The following FRMD4A variants were observed in gnomAD, a reference collection of about 807,000 sequenced individuals.
FRMD4A encodes FERM domain-containing protein 4A.
In FRMD4A, 29 loss-of-function variants were observed where a neutral mutation model predicts 129.1. The ratio of observed to expected loss-of-function variants is 0.22; its 90% CI spans 0.17 to 0.31. The LOEUF (loss-of-function observed/expected upper bound fraction) is 0.31. FRMD4A is among the 10% of genes least tolerant of loss of function. The pLI is 1.00. For missense variants in FRMD4A, 1,272 were observed against 1,375.8 expected (o/e 0.92, Z 1.19); for synonymous variants, 634 against 571.6 (o/e 1.11, Z -1.56).
intron 2 of FRMD4A, among the ~76,000 whole-genome samples, chr10:14,254,425 C>A (rs748154507): frequency 3.9e-5 from 6 of 152,152 alleles, no homozygotes; most frequent in Non-Finnish European, 4.4e-5. Flanking sequence ...GAAGGGAGAA[C>A]ACAGGACACC....
At chr10:13,757,355 A>G (rs1398464292) in intron 8 of FRMD4A, among the ~76,000 whole-genome samples, 1 of 152,258 alleles carries the variant, frequency 6.6e-6, no homozygotes, top group Non-Finnish European at 1.5e-5. Flanking sequence ...AAGTGAAAAA[A>G]TGTTATTTTT....
chr10:14,097,460 C>A (rs1837037778), intron 2 of FRMD4A, among the ~76,000 whole-genome samples: 1 of 152,106 alleles, frequency 6.6e-6, no homozygotes, highest in Non-Finnish European at 1.5e-5. Context: ...AGTGAATCAT[C>A]TTTTAATCTT....
At chr10:13,661,578 A>G (rs1362064045) in intron 19 of FRMD4A, among the ~76,000 whole-genome samples, 2 of 152,144 alleles carry the variant, frequency 1.3e-5, no homozygotes, top group African/African-American at 4.8e-5. Flanking sequence ...CCACAGGAAA[A>G]CTTTGCGATG....
At chr10:14,180,332 A>G (rs1841872408) in intron 2 of FRMD4A, among the ~76,000 whole-genome samples, 1 of 152,204 alleles carries the variant, frequency 6.6e-6, no homozygotes, top group South Asian at 2.1e-4. Flanking sequence ...GATTATTCAT[A>G]CATTTTGTTA....
Position 14,273,557 on chromosome 10 carries a change from C to A in FRMD4A, c.45+56501G>T, listed in dbSNP as rs550029389. 2.6e-5 allele frequency among the ~76,000 whole-genome samples: 4 copies of A among 152,246 alleles called. No homozygotes were observed. The South Asian group carries it at 6.2e-4, about 24-fold the overall frequency. ...GAAATTAGCAGTCTACTCTGCTCAT[C>A]TTTTCAGATTGGAACAGAGCCTGGA... is the stretch of plus-strand genomic sequence containing the variant. On this transcript the variant is annotated intron_variant, in intron 2 of 24. Transcript: ENST00000357447.
At chr10:13,744,139 G>A (rs555562072) in intron 9 of FRMD4A, among the ~76,000 whole-genome samples, 9 of 152,252 alleles carry the variant, frequency 5.9e-5, no homozygotes, top group South Asian at 2.1e-4. Context: ...ATGGTTCCCC[G>A]TCTTGGAGCA....
intron 2 of FRMD4A, among the ~76,000 whole-genome samples, chr10:13,975,119 G>C (rs1241850573): frequency 6.6e-6 from 1 of 151,290 alleles, no homozygotes; most frequent in East Asian, 1.9e-4. Flanking sequence ...GGCTCTGTGA[G>C]TCTCTATGTA....
At chr10:13,918,331 T>G (rs920147265) in intron 2 of FRMD4A, among the ~76,000 whole-genome samples, 8 of 152,190 alleles carry the variant, frequency 5.3e-5, no homozygotes, top group African/African-American at 1.9e-4. Context: ...GACCCCCATC[T>G]TAGCCCCCAG....
chr10:14,053,376 G>A (rs146576232), intron 2 of FRMD4A, among the ~76,000 whole-genome samples: 6 of 152,132 alleles, frequency 3.9e-5, no homozygotes, highest in African/African-American at 1.2e-4. Flanking sequence ...GGATTACGGG[G>A]CAAGGGTGTG....
intron 2 of FRMD4A, among the ~76,000 whole-genome samples, chr10:13,948,811 C>G (rs530540713): frequency 6.6e-6 from 1 of 151,624 alleles, no homozygotes; most frequent in African/African-American, 2.4e-5. Flanking sequence ...ACCATCATAC[C>G]CAGCTAATTT....
At chr10:14,172,446 G>A (rs551849514) in intron 2 of FRMD4A, among the ~76,000 whole-genome samples, 5 of 152,030 alleles carry the variant, frequency 3.3e-5, no homozygotes, top group South Asian at 4.1e-4. Flanking sequence ...CATTTTAATC[G>A]GCTCATGGTG....
At chr10:14,303,981 GT>G (rs1424713563) in intron 2 of FRMD4A, among the ~76,000 whole-genome samples, 2 of 152,050 alleles carry the variant, frequency 1.3e-5, no homozygotes. Context: ...TCTTTTTAAG[GT>G]TGAATAATAT....
At chr10:14,158,430 G>C (rs1840707351) in intron 2 of FRMD4A, among the ~76,000 whole-genome samples, 2 of 152,090 alleles carry the variant, frequency 1.3e-5, no homozygotes, top group African/African-American at 4.8e-5. Flanking sequence ...GGGCAACACA[G>C]CAAGACCCCA....
At chr10:13,809,101 C>T (rs966072638) in intron 4 of FRMD4A, among the ~76,000 whole-genome samples, 6 of 152,164 alleles carry the variant, frequency 3.9e-5, no homozygotes, top group African/African-American at 1.4e-4. Flanking sequence ...GGTGTGTGCA[C>T]CCCCTGCTGT....
chr10:13,930,536 T>C (rs1040873436), intron 2 of FRMD4A, among the ~76,000 whole-genome samples: 2 of 152,128 alleles, frequency 1.3e-5, no homozygotes, highest in Non-Finnish European at 2.9e-5. Context: ...GAATGAGATA[T>C]GGTTTGTCCC....
intron 2 of FRMD4A, among the ~76,000 whole-genome samples, chr10:14,296,308 T>C (rs1292543112): frequency 6.6e-6 from 1 of 152,168 alleles, no homozygotes; most frequent in Non-Finnish European, 1.5e-5. Flanking sequence ...GAGCTAATAT[T>C]TGATCTCCTG....
chr10:13,860,157 T>C (rs1391947587), intron 2 of FRMD4A, among the ~76,000 whole-genome samples: 3 of 152,208 alleles, frequency 2.0e-5, no homozygotes, highest in Non-Finnish European at 2.9e-5. Flanking sequence ...CTTGCTGCAC[T>C]CTAAATACCT....
chr10:14,186,014 C>G (rs961829445), intron 2 of FRMD4A, among the ~76,000 whole-genome samples: 14 of 152,196 alleles, frequency 9.2e-5, no homozygotes, highest in East Asian at 1.9e-4. Context: ...GGTGATGGAG[C>G]ACAGCAGTGG....
At chr10:14,035,468 T>C (rs1461930029) in intron 2 of FRMD4A, among the ~76,000 whole-genome samples, 1 of 147,906 alleles carries the variant, frequency 6.8e-6, no homozygotes, top group Non-Finnish European at 1.5e-5. Context: ...ACAAGCCAAA[T>C]ATAATCTGCT....
Sources: allele counts gnomAD v4.1 joint callset (sites outside exome capture counted in the v4.1 genomes callset), GRCh38; gene constraint gnomAD v4.1.1; transcripts MANE v1.5; gene names NCBI Gene and HGNC (gene_info 2026-07-23, HGNC 2026-07-21).